CBFA2T3: variants seen among roughly 807,000 people sequenced by gnomAD.
The protein encoded by CBFA2T3 is CBFA2/RUNX1 partner transcriptional co-repressor 3.
Under a neutral mutation model 58.6 loss-of-function variants are expected in CBFA2T3, and 31 were observed. That is an observed-to-expected ratio of 0.53 (90% CI 0.40 to 0.71). The LOEUF (loss-of-function observed/expected upper bound fraction) is 0.71. Ranked by LOEUF, CBFA2T3 falls within the 30% of genes least tolerant of loss-of-function variation. The probability of loss-of-function intolerance (pLI) is 0.00; values close to 1 mark genes in which losing one functional copy is unlikely to be tolerated. For synonymous variants in CBFA2T3, 531 were observed against 421.9 expected (o/e 1.26, Z -3.17); for missense variants, 1,076 against 963.1 (o/e 1.12, Z -1.55).
chr16:88,906,729 T>C (rs1318643527), intron 1 of CBFA2T3, among the ~76,000 whole-genome samples: 1 of 152,178 alleles, frequency 6.6e-6, no homozygotes, highest in African/African-American at 2.4e-5. Flanking sequence ...ACGCCCACTT[T>C]CTAGACGGGG....
chr16:88,911,223 C>T (rs1009753782), intron 1 of CBFA2T3, among the ~76,000 whole-genome samples: 1 of 152,250 alleles, frequency 6.6e-6, no homozygotes, highest in Non-Finnish European at 1.5e-5. Context: ...GAACAAGGGA[C>T]CCTGACCCCA....
chr16:88,917,190 C>T (rs1197683462), intron 1 of CBFA2T3, among the ~76,000 whole-genome samples: 1 of 152,218 alleles, frequency 6.6e-6, no homozygotes, highest in Non-Finnish European at 1.5e-5. Context: ...TTAGCTGGCC[C>T]TGCCCTCTGC....
At chr16:88,918,507 C>T (rs1303029653) in intron 1 of CBFA2T3, among the ~76,000 whole-genome samples, 1 of 152,266 alleles carries the variant, frequency 6.6e-6, no homozygotes, top group Non-Finnish European at 1.5e-5. Flanking sequence ...CCCGCCCCTC[C>T]AGAGCCCACA....
chr16:88,971,039 G>C (rs895139006), intron 1 of CBFA2T3, among the ~76,000 whole-genome samples: 1 of 152,186 alleles, frequency 6.6e-6, no homozygotes, highest in Admixed American at 6.5e-5. Context: ...CCGACGCGGT[G>C]GGGTCGGGCC....
At chr16:88,972,190 A>T (rs1180716622) in intron 1 of CBFA2T3, among the ~76,000 whole-genome samples, 1 of 143,868 alleles carries the variant, frequency 7.0e-6, no homozygotes, top group Non-Finnish European at 1.5e-5. Context: ...CTGAGGCCTC[A>T]GGGAAGCAGT....
At chr16:88,944,059 C>T (rs555964634) in intron 1 of CBFA2T3, among the ~76,000 whole-genome samples, 2 of 152,198 alleles carry the variant, frequency 1.3e-5, no homozygotes, top group East Asian at 3.9e-4. Flanking sequence ...CCACCACGGC[C>T]GGGTGCGGTG....
chr16:88,954,267 C>T (rs1014504593), intron 1 of CBFA2T3, among the ~76,000 whole-genome samples: 2 of 152,296 alleles, frequency 1.3e-5, no homozygotes, highest in Non-Finnish European at 2.9e-5. Flanking sequence ...CTCTGACAGC[C>T]CCCTTCCCCT....
chr16:88,929,354 C>A (rs1432356139), intron 1 of CBFA2T3, among the ~76,000 whole-genome samples: 1 of 152,200 alleles, frequency 6.6e-6, no homozygotes, highest in South Asian at 2.1e-4. Context: ...CACGGGCCTG[C>A]GGGAGGACCC....
Position 88,923,784 on chromosome 16 carries a change from A to T in CBFA2T3, c.152-22128T>A, listed in dbSNP as rs969616904. ...CTGGGCTCCTGGGCTGGACACCGGC[A>T]CCGTCTAGGTTGGGGAGGCTCTGGG... On this transcript the variant is annotated intron_variant, in intron 1 of 11. Coordinates refer to ENST00000268679, the MANE Select transcript of CBFA2T3 (RefSeq NM_005187.6). Among the ~76,000 whole-genome samples the T allele has an allele frequency of 2.0e-5, 3 of 152,176 alleles. No homozygotes were observed. In the South Asian group the frequency reaches 6.2e-4, roughly 32 times the overall value.
Position 88,977,086 on chromosome 16 carries a change from C to A in CBFA2T3, c.-279G>T. 2.6e-6 allele frequency: 1 copy of A among 385,206 alleles called. No individual in the cohort carries two copies. 23.9% of individuals were successfully genotyped at this position (385,206 alleles called of 1,614,324 possible). A position where few individuals can be genotyped will look rare whatever the true frequency, so the allele number is the denominator to read the frequency against. ...GTCTCCCTGCAGCCTGCGGGTGAGG[C>A]AGCCAGCTGTGTCCCCGTGATAATG... On this transcript the variant is annotated 5_prime_UTR_variant, in exon 1 of 12. Transcript: ENST00000268679.
chr16:88,891,507 C>A (rs1214506285), intron 5 of CBFA2T3, among the ~76,000 whole-genome samples: 1 of 152,194 alleles, frequency 6.6e-6, no homozygotes, highest in Non-Finnish European at 1.5e-5. Flanking sequence ...CCGAGCCTTG[C>A]CCCCACACTG....
chr16:88,907,832 G>A (rs944182925), intron 1 of CBFA2T3, among the ~76,000 whole-genome samples: 4 of 152,256 alleles, frequency 2.6e-5, no homozygotes, highest in African/African-American at 9.6e-5. Flanking sequence ...CACCCTCGAT[G>A]GCTCAGGCAC....
At chr16:88,960,474 C>T (rs1366767132) in intron 1 of CBFA2T3, among the ~76,000 whole-genome samples, 8 of 152,218 alleles carry the variant, frequency 5.3e-5, no homozygotes, top group Non-Finnish European at 1.2e-4. Context: ...TGGAACCTAC[C>T]GGAACGAATC....
chr16:88,882,544 ATGGGTGTGGCTGTGTGTGGGCATGGCTG>A (rs985265051), intron 8 of CBFA2T3, 104 bp downstream of exon 8: 22 of 609,894 alleles, frequency 3.6e-5, no homozygotes, highest in Non-Finnish European at 5.7e-5. Context: ...GGCTGTGTGC[ATGGGTGTGGCTGTGTGTGGGCATGGCTG>A]TGGGCGTGGC....
At chr16:88,882,637 G>T in intron 8 of CBFA2T3, 39 bp downstream of exon 8, 2 of 1,360,130 alleles carry the variant, frequency 1.5e-6, no homozygotes, top group Non-Finnish European at 2.1e-6. Flanking sequence ...TGTGCGCCTG[G>T]GCATGGCTGT....
Position 88,956,871 on chromosome 16 carries a change from G to A in CBFA2T3, c.151+19786C>T, listed in dbSNP as rs1008778665. Among the ~76,000 whole-genome samples, 8 of 152,232 alleles carry A rather than the reference G, an allele frequency of 5.3e-5. No homozygotes were observed. In the South Asian group the frequency reaches 6.2e-4, roughly 12 times the overall value. ...GGCCTGCAGCAGCTGCACCAAGCCC[G>A]GCCCCTGGGGTTCTCAGCTGCCTGG... On this transcript the variant is annotated intron_variant, in intron 1 of 11. Transcript: ENST00000268679.
chr16:88,881,270 C>A (rs762112802), intron 9 of CBFA2T3, 21 bp downstream of exon 9: 5 of 1,591,068 alleles, frequency 3.1e-6, no homozygotes, highest in Middle Eastern at 1.7e-4. Context: ...TCTGCTCCCT[C>A]CCCCCACACC....
In CBFA2T3 at chr16:88,901,545, G is replaced by C; in HGVS notation, c.263C>G (p.Ser88Cys). 6.8e-7 allele frequency: 1 copy of C among 1,480,888 alleles called. No homozygotes were observed. 91.7% of individuals were successfully genotyped at this position (1,480,888 alleles called of 1,614,324 possible). A position where few individuals can be genotyped will look rare whatever the true frequency, so the allele number is the denominator to read the frequency against. The stretch of plus-strand genomic sequence containing the variant: ...GGAGGGGGGGCGTGTGGCCCCCTGG[G>C]ATGCGGCAGGCGGTGGGGGCGGCAT... ...PSMPPPPPAA[S>C]QGATRPPSFT... The change falls in exon 2 of 12, where the codon TCC becomes TGC. Residue 88 changes from serine to cysteine, a missense_variant. Coordinates refer to ENST00000268679, the MANE Select transcript of CBFA2T3 (RefSeq NM_005187.6).
chr16:88,901,664 C>T lies in CBFA2T3; in HGVS notation c.152-8G>A, dbSNP rs753782407. The T allele has an allele frequency of 1.1e-5, 16 of 1,522,690 alleles. No homozygotes were observed. In the African/African-American group the frequency reaches 1.3e-4, roughly 13 times the overall value. The allele number at this position is 1,522,690 out of a possible 1,614,324, so 94.3% of individuals were successfully genotyped here. On this transcript the variant is annotated splice_region_variant and splice_polypyrimidine_tract_variant and intron_variant, in intron 1 of 11. Coordinates refer to ENST00000268679, the MANE Select transcript of CBFA2T3 (RefSeq NM_005187.6). Reference sequence around the variant, plus strand: ...CTTTCCTGTCCACTGGGGCTGCGACCAACGGAGAAAGAAAGAGTCGGTGAA... The same window carrying T: ...CTTTCCTGTCCACTGGGGCTGCGACTAACGGAGAAAGAAAGAGTCGGTGAA...
Sources: allele counts gnomAD v4.1 joint callset (sites outside exome capture counted in the v4.1 genomes callset), GRCh38; gene constraint gnomAD v4.1.1; transcripts MANE v1.5; gene names NCBI Gene and HGNC (gene_info 2026-07-23, HGNC 2026-07-21).